The following PTPRD variants were observed in gnomAD, a reference collection of about 807,000 sequenced individuals.
PTPRD encodes receptor-type tyrosine-protein phosphatase delta.
Under a neutral mutation model 214.5 loss-of-function variants are expected in PTPRD, and 34 were observed. The ratio of observed to expected loss-of-function variants is 0.16; its 90% CI spans 0.12 to 0.21. The LOEUF is 0.21. Ranked by LOEUF, PTPRD falls within the 10% of genes least tolerant of loss-of-function variation. The pLI, the probability that PTPRD is intolerant of heterozygous loss-of-function variation, is 1.00. For missense variants in PTPRD, 2,545 were observed against 2,398.7 expected (o/e 1.06, Z -1.27); for synonymous variants, 1,128 against 845.7 (o/e 1.33, Z -5.79).
intron 12 of PTPRD, among the ~76,000 whole-genome samples, chr9:8,707,841 A>C (rs1368459745): frequency 6.6e-6 from 1 of 152,216 alleles, no homozygotes; most frequent in African/African-American, 2.4e-5. Context: ...CACATCTGTC[A>C]TCTCCCAGGT....
intron 4 of PTPRD, among the ~76,000 whole-genome samples, chr9:10,024,507 A>G (rs1233405244): frequency 6.6e-6 from 1 of 152,180 alleles, no homozygotes; most frequent in Non-Finnish European, 1.5e-5. Context: ...GCTGTGTTAT[A>G]TTCAGCACTG....
rs750058892 is a variant in PTPRD at position 8,518,231 on chromosome 9, G to C, written c.1160C>G (p.Ser387Trp). The C allele has an allele frequency of 6.2e-7, 1 of 1,614,148 alleles. No individual in the cohort carries two copies. Among genetic ancestry groups the C allele is most frequent in the African/African-American group, 1.3e-5 (1 of 75,050 alleles). ...RYSVAGLSPY[S>W]DYEFRVVAVN... ...AGCAACAACCCTGAATTCATAATCC[G>C]AGTAGGGACTTAGTCCAGCGACACT... The change falls in exon 21 of 46, where the codon TCG becomes TGG. Residue 387 changes from serine (S) to tryptophan (W), a missense_variant. By Grantham distance (177) the Ser-to-Trp change is radical. Transcript: ENST00000381196.
intron 8 of PTPRD, among the ~76,000 whole-genome samples, chr9:9,406,369 G>A (rs2073358258): frequency 6.6e-6 from 1 of 151,898 alleles, no homozygotes; most frequent in Admixed American, 6.6e-5. Context: ...ATTCCATGAA[G>A]TAAATAAACA....
chr9:8,357,163 C>A (rs2077174544), intron 39 of PTPRD, among the ~76,000 whole-genome samples: 1 of 152,188 alleles, frequency 6.6e-6, no homozygotes, highest in Non-Finnish European at 1.5e-5. Context: ...CACTGCAATG[C>A]CAACAATTCT....
chr9:8,479,781 T>C (rs2135500144), intron 30 of PTPRD, among the ~76,000 whole-genome samples: 1 of 152,326 alleles, frequency 6.6e-6, no homozygotes, highest in East Asian at 1.9e-4. Flanking sequence ...AAGAATATAC[T>C]ATACTATTTT....
intron 3 of PTPRD, among the ~76,000 whole-genome samples, chr9:10,194,002 T>A (rs145297739): frequency 2.6e-5 from 4 of 152,170 alleles, no homozygotes; most frequent in African/African-American, 9.6e-5. Flanking sequence ...AATTCTCCCG[T>A]TCACCTATTT....
intron 35 of PTPRD, among the ~76,000 whole-genome samples, chr9:8,406,444 C>T (rs2092988879): frequency 1.3e-5 from 2 of 152,180 alleles, no homozygotes; most frequent in Non-Finnish European, 2.9e-5. Flanking sequence ...ATCCACTCTT[C>T]ATACTGCTGC....
At chr9:9,838,835 C>G (rs2057546073) in intron 5 of PTPRD, among the ~76,000 whole-genome samples, 1 of 152,052 alleles carries the variant, frequency 6.6e-6, no homozygotes, top group South Asian at 2.1e-4. Context: ...ACATGAAGTC[C>G]TTGCCCATGC....
At chr9:9,865,223 G>A (rs1476332591) in intron 5 of PTPRD, among the ~76,000 whole-genome samples, 1 of 152,166 alleles carries the variant, frequency 6.6e-6, no homozygotes, top group Non-Finnish European at 1.5e-5. Context: ...TTGAAAATCA[G>A]GTTACTGCTA....
intron 2 of PTPRD, among the ~76,000 whole-genome samples, chr9:10,564,614 C>A (rs898612254): frequency 6.6e-6 from 1 of 151,948 alleles, no homozygotes; most frequent in Non-Finnish European, 1.5e-5. Flanking sequence ...CTGTTGAATC[C>A]ATGGCTAACT....
chr9:9,238,467 G>T (rs1194833613), intron 9 of PTPRD, among the ~76,000 whole-genome samples: 1 of 152,054 alleles, frequency 6.6e-6, no homozygotes, highest in Non-Finnish European at 1.5e-5. Flanking sequence ...TTTTTCTTGT[G>T]TACTTAAGTG....
At chr9:8,920,459 A>C (rs2098819670) in intron 11 of PTPRD, among the ~76,000 whole-genome samples, 3 of 152,232 alleles carry the variant, frequency 2.0e-5, no homozygotes, top group Non-Finnish European at 4.4e-5. Context: ...AATGATTAAT[A>C]AACAAACCCA....
chr9:10,102,074 C>G (rs1205333161), intron 3 of PTPRD, among the ~76,000 whole-genome samples: 2 of 151,426 alleles, frequency 1.3e-5, no homozygotes, highest in African/African-American at 4.8e-5. Flanking sequence ...AAATTTTTAC[C>G]CATTTTGTTT....
At chr9:9,081,630 A>C (rs1192460859) in intron 10 of PTPRD, among the ~76,000 whole-genome samples, 1 of 152,024 alleles carries the variant, frequency 6.6e-6, no homozygotes, top group Non-Finnish European at 1.5e-5. Context: ...GTGGGAGTCT[A>C]AGTCTCTTTG....
chr9:10,279,159 A>C (rs1596007676), intron 3 of PTPRD, among the ~76,000 whole-genome samples: 2 of 151,838 alleles, frequency 1.3e-5, no homozygotes. Flanking sequence ...ACTGTTCTCC[A>C]ATTCATCCCT....
intron 10 of PTPRD, among the ~76,000 whole-genome samples, chr9:9,031,155 G>T (rs2099604046): frequency 6.6e-6 from 1 of 151,964 alleles, no homozygotes; most frequent in Non-Finnish European, 1.5e-5. Flanking sequence ...GTGGTGACTT[G>T]TTGATGGGTC....
At chr9:9,394,581 T>C (rs995379294) in intron 9 of PTPRD, among the ~76,000 whole-genome samples, 2 of 152,166 alleles carry the variant, frequency 1.3e-5, no homozygotes, top group Non-Finnish European at 2.9e-5. Context: ...TAATAGCACA[T>C]ATTATCTAGG....
At chr9:10,144,056 G>GA (rs1048166946) in intron 3 of PTPRD, among the ~76,000 whole-genome samples, 1 of 151,278 alleles carries the variant, frequency 6.6e-6, no homozygotes, top group African/African-American at 2.4e-5. Context: ...TTCTAAAGTT[G>GA]AAAAAATGAA....
chr9:9,004,052 TCC>T (rs1362389235), intron 11 of PTPRD, among the ~76,000 whole-genome samples: 3 of 152,192 alleles, frequency 2.0e-5, no homozygotes, highest in Non-Finnish European at 4.4e-5. Flanking sequence ...CTTATGTTTC[TCC>T]TTTAGATAAA....
Sources: allele counts gnomAD v4.1 joint callset (sites outside exome capture counted in the v4.1 genomes callset), GRCh38; gene constraint gnomAD v4.1.1; transcripts MANE v1.5; gene names NCBI Gene and HGNC (gene_info 2026-07-23, HGNC 2026-07-21).